TRDMT1: variants seen among roughly 807,000 people sequenced by gnomAD.
The protein encoded by TRDMT1 is tRNA (cytosine(38)-C(5))-methyltransferase.
In TRDMT1, 49 loss-of-function variants were observed where a neutral mutation model predicts 51.2. The observed-to-expected ratio is 0.96, with a 90% CI of 0.76 to 1.21. TRDMT1 has a LOEUF of 1.21. Among genes scored for constraint, TRDMT1 ranks in the 50% most tolerant of loss-of-function variants. TRDMT1 has a pLI of 0.00. For missense variants in TRDMT1, 534 were observed against 462.3 expected (o/e 1.16, Z -1.42); for synonymous variants, 187 against 164.6 (o/e 1.14, Z -1.04).
At chr10:17,155,170 C>T (rs770690727) in intron 8 of TRDMT1, among the ~76,000 whole-genome samples, 2 of 152,118 alleles carry the variant, frequency 1.3e-5, no homozygotes, top group Middle Eastern at 3.4e-3. Context: ...GCCAAGATCA[C>T]GCCACTGCAC....
At position 17,138,791 on chromosome 10, in the gene TRDMT1, T is replaced by C. The variant is rs376730180; in HGVS notation, c.*10249A>G. ...TTTTTTAAGTAATATAATCCCTTCA[T>C]AAACAATGAGAAAAAAATAACGAAA... On this transcript the variant is annotated 3_prime_UTR_variant, in exon 11 of 11. Transcript: ENST00000377799. Among the ~76,000 whole-genome samples the C allele has an allele frequency of 3.3e-5, 5 of 151,924 alleles. No individual in the cohort carries two copies. The East Asian group carries it at 7.7e-4, about 24-fold the overall frequency.
chr10:17,183,297 C>T (rs1843497662), intron 1 of TRDMT1, among the ~76,000 whole-genome samples: 1 of 152,188 alleles, frequency 6.6e-6, no homozygotes, highest in Admixed American at 6.5e-5. Context: ...ACAGAGAAAA[C>T]AGCCAATATC....
chr10:17,141,242 A>G lies in TRDMT1; in HGVS notation c.*7798T>C, dbSNP rs1219135075. ...CAGTGGCACGATCTCAGCTCACTGC[A>G]GTCTCCGCTCCTGGGTTCAAGCCAT... On this transcript the variant is annotated 3_prime_UTR_variant, in exon 11 of 11. Transcript: ENST00000377799. 6.6e-6 allele frequency among the ~76,000 whole-genome samples: 1 copy of G among 152,208 alleles called. No individual in the cohort carries two copies. Among genetic ancestry groups the G allele is most frequent in the Non-Finnish European group, 1.5e-5 (1 of 68,034 alleles).
chr10:17,182,457 G>C (rs1843387504), intron 1 of TRDMT1, among the ~76,000 whole-genome samples: 1 of 152,206 alleles, frequency 6.6e-6, no homozygotes, highest in East Asian at 1.9e-4. Context: ...TATGCCATTT[G>C]TTCCTATGAG....
At chr10:17,158,487 T>G (rs1839868856) in intron 7 of TRDMT1, among the ~76,000 whole-genome samples, 1 of 152,078 alleles carries the variant, frequency 6.6e-6, no homozygotes, top group Non-Finnish European at 1.5e-5. Context: ...ATAAAGGGAT[T>G]GAGGTGACAC....
chr10:17,171,484 T>G (rs72775072), intron 2 of TRDMT1: 5,440 of 152,330 alleles, frequency 0.036, 148 homozygotes, highest in Non-Finnish European at 0.058. Context: ...GCTTTTAGAT[T>G]CTTGCCAGTA....
intron 1 of TRDMT1, among the ~76,000 whole-genome samples, chr10:17,198,222 G>A (rs1057127775): frequency 2.6e-5 from 4 of 152,276 alleles, no homozygotes; most frequent in East Asian, 3.9e-4. Flanking sequence ...AAATTGTGCC[G>A]CTGCTGCGGA....
In TRDMT1 at chr10:17,142,619, T is replaced by G. The variant is rs1467951178; in HGVS notation, c.*6421A>C. ...TCTGGATGTTTGTCAGTGGGATTCC[T>G]GATATACCCCCGTGCTGGTAGAGCC... On this transcript the variant is annotated 3_prime_UTR_variant, in exon 11 of 11. Transcript: ENST00000377799. 2 of 152,232 alleles carry G rather than the reference T, an allele frequency of 1.3e-5. No individual in the cohort carries two copies. Among genetic ancestry groups the G allele is most frequent in the Non-Finnish European group, 2.9e-5 (2 of 68,078 alleles). 9.4% of individuals were successfully genotyped at this position (152,232 alleles called of 1,614,324 possible).
At chr10:17,177,667 T>C (rs1362561943) in intron 1 of TRDMT1, among the ~76,000 whole-genome samples, 1 of 151,824 alleles carries the variant, frequency 6.6e-6, no homozygotes, top group Admixed American at 6.6e-5. Flanking sequence ...TGAGGATACA[T>C]ACATAATTCT....
At chr10:17,189,369 A>T (rs1034419826) in intron 1 of TRDMT1, among the ~76,000 whole-genome samples, 1 of 152,194 alleles carries the variant, frequency 6.6e-6, no homozygotes, top group African/African-American at 2.4e-5. Context: ...CCTTTGCCAT[A>T]TATGGATATG....
rs895570277 is a variant in TRDMT1 at position 17,141,499 on chromosome 10, C to T, written c.*7541G>A. Among the ~76,000 whole-genome samples, 2 of 119,212 alleles carry T rather than the reference C, an allele frequency of 1.7e-5. No individual in the cohort carries two copies. The highest frequency in any genetic ancestry group is 8.2e-5 in the Admixed American group (1 of 12,144). 78.2% of individuals were successfully genotyped at this position (119,212 alleles called of 152,430 possible). ...AGGTTTTGCCAAATTTGGGATGTTT[C>T]CAGCCATTATTTAAATGCTCTTTCA... On this transcript the variant is annotated 3_prime_UTR_variant, in exon 11 of 11. Transcript: ENST00000377799.
At chr10:17,197,427 G>A (rs777241758) in intron 1 of TRDMT1, among the ~76,000 whole-genome samples, 5 of 152,140 alleles carry the variant, frequency 3.3e-5, no homozygotes, top group Non-Finnish European at 7.4e-5. Context: ...TCTATGTAGT[G>A]ACTGTAAAAA....
Position 17,144,026 on chromosome 10 carries a change from G to A in TRDMT1, c.*5014C>T, listed in dbSNP as rs923963783. On this transcript the variant is annotated 3_prime_UTR_variant, in exon 11 of 11. Coordinates refer to ENST00000377799, the MANE Select transcript of TRDMT1 (RefSeq NM_004412.7). The stretch of plus-strand genomic sequence containing the variant: ...AAACAGCAGATTTAGAGTCATCTGG[G>A]TGTCATCGGCAAAATGGCTGAAGTT... 9 of 985,320 alleles carry A rather than the reference G, an allele frequency of 9.1e-6. No homozygotes were observed. In the African/African-American group the frequency reaches 1.6e-4, roughly 17 times the overall value. 61.0% of individuals were successfully genotyped at this position (985,320 alleles called of 1,614,324 possible). A position where few individuals can be genotyped will look rare whatever the true frequency, so the allele number is the denominator to read the frequency against.
intron 3 of TRDMT1, among the ~76,000 whole-genome samples, chr10:17,166,139 A>G (rs1841173465): frequency 6.6e-6 from 1 of 152,154 alleles, no homozygotes; most frequent in Non-Finnish European, 1.5e-5. Context: ...CAACAATGAT[A>G]GACTAGATTA....
chr10:17,175,452 T>C (rs1466111683), intron 1 of TRDMT1, among the ~76,000 whole-genome samples: 3 of 152,142 alleles, frequency 2.0e-5, no homozygotes, highest in African/African-American at 7.2e-5. Context: ...TATTTTACAA[T>C]GACCACCCTC....
chr10:17,137,806 G>T lies in TRDMT1; in HGVS notation c.*11234C>A, dbSNP rs1837460753. ...CCGAGAGCCACTGCACTCCAGCCTGGGTGACAGAGCGAAACTCTGCCAAAA... is the reference window on the plus strand; with the variant it reads ...CCGAGAGCCACTGCACTCCAGCCTGTGTGACAGAGCGAAACTCTGCCAAAA... On this transcript the variant is annotated 3_prime_UTR_variant, in exon 11 of 11. Transcript: ENST00000377799. 6.6e-6 allele frequency among the ~76,000 whole-genome samples: 1 copy of T among 151,072 alleles called. No individual in the cohort carries two copies. Among genetic ancestry groups the T allele is most frequent in the Admixed American group, 6.6e-5 (1 of 15,164 alleles).
intron 1 of TRDMT1, 168 bp downstream of exon 1, chr10:17,201,403 G>T: frequency 1.6e-6 from 1 of 613,750 alleles, no homozygotes; most frequent in Non-Finnish European, 2.7e-6. Flanking sequence ...TGGAGGGGTG[G>T]ACACGGCGGC....
intron 1 of TRDMT1, among the ~76,000 whole-genome samples, chr10:17,180,539 CAAA>C (rs10627626): frequency 2.9e-5 from 3 of 104,958 alleles, no homozygotes; most frequent in Admixed American, 2.0e-4. Flanking sequence ...AACTCTGTCT[CAAA>C]AAAAAAAAAA....
chr10:17,166,850 G>A (rs73604291), intron 3 of TRDMT1, among the ~76,000 whole-genome samples: 4,576 of 152,166 alleles, frequency 0.03, 222 homozygotes, highest in African/African-American at 0.1. Context: ...GCTGCATTCC[G>A]CTGTGTATAT....
Sources: allele counts gnomAD v4.1 joint callset (sites outside exome capture counted in the v4.1 genomes callset), GRCh38; gene constraint gnomAD v4.1.1; transcripts MANE v1.5; gene names NCBI Gene and HGNC (gene_info 2026-07-23, HGNC 2026-07-21).